CERS3: variants seen among roughly 807,000 people sequenced by gnomAD.
CERS3 encodes LAG1 homolog, ceramide synthase 3.
A neutral mutation model predicts 50.3 loss-of-function variants in CERS3; 33 were observed. The observed-to-expected ratio is 0.66, with a 90% confidence interval of 0.50 to 0.88. CERS3 has a LOEUF of 0.88. Ranked by LOEUF, CERS3 falls within the 40% of genes least tolerant of loss-of-function variation. CERS3 has a pLI of 0.00. For missense variants in CERS3, 470 were observed against 460.3 expected (o/e 1.02, Z -0.19); for synonymous variants, 176 against 155.2 (o/e 1.13, Z -0.99).
chr15:100,427,730 T>C (rs2032903267), intron 11 of CERS3, among the ~76,000 whole-genome samples: 2 of 152,328 alleles, frequency 1.3e-5, no homozygotes, highest in South Asian at 4.1e-4. Flanking sequence ...TTTCAATAGG[T>C]AGAAACTGTC....
chr15:100,505,354 T>C (rs1280098105), intron 2 of CERS3, among the ~76,000 whole-genome samples: 1 of 152,246 alleles, frequency 6.6e-6, no homozygotes, highest in Non-Finnish European at 1.5e-5. Context: ...CAATTCCTTG[T>C]GCATTACATG....
intron 3 of CERS3, among the ~76,000 whole-genome samples, chr15:100,498,921 C>T (rs538246533): frequency 1.8e-4 from 28 of 152,082 alleles, no homozygotes; most frequent in Admixed American, 3.9e-4. Flanking sequence ...CAAAATATTG[C>T]GAGCAAAGTA....
chr15:100,405,721 A>C (rs559476987), intron 11 of CERS3, among the ~76,000 whole-genome samples: 6 of 152,342 alleles, frequency 3.9e-5, no homozygotes, highest in Admixed American at 3.9e-4. Flanking sequence ...GGTTGATGAA[A>C]TGATGCTGTG....
chr15:100,407,435 T>C (rs1256729010), intron 11 of CERS3, among the ~76,000 whole-genome samples: 1 of 152,274 alleles, frequency 6.6e-6, no homozygotes, highest in African/African-American at 2.4e-5. Flanking sequence ...CTGGCAGTCC[T>C]GCAATGTGCT....
upstream of CERS3, among the ~76,000 whole-genome samples, chr15:100,529,422 TCA>T (rs1252754293): frequency 4.6e-5 from 7 of 152,200 alleles, no homozygotes; most frequent in Non-Finnish European, 1.0e-4. Flanking sequence ...GAGAAAACGA[TCA>T]GTTTTTTGAA....
chr15:100,423,456 A>T (rs1488589154), intron 11 of CERS3, among the ~76,000 whole-genome samples: 1 of 152,200 alleles, frequency 6.6e-6, no homozygotes, highest in Non-Finnish European at 1.5e-5. Flanking sequence ...GAACAAAATC[A>T]TGTCCTTTGG....
At chr15:100,460,319 G>A (rs962256106) in intron 10 of CERS3, among the ~76,000 whole-genome samples, 1 of 152,078 alleles carries the variant, frequency 6.6e-6, no homozygotes, top group African/African-American at 2.4e-5. Flanking sequence ...AACCATTACT[G>A]AGCACCTACT....
chr15:100,415,518 C>T (rs1189769193), intron 11 of CERS3, among the ~76,000 whole-genome samples: 2 of 152,126 alleles, frequency 1.3e-5, no homozygotes, highest in Non-Finnish European at 2.9e-5. Flanking sequence ...GCACTCTTCA[C>T]AATAGCAAAG....
chr15:100,473,025 G>A lies in CERS3; in HGVS notation c.637C>T (p.Leu213=), dbSNP rs115551880. The change falls in exon 9 of 12, where the codon CTG becomes TTG. Residue 213 remains leucine (L), a synonymous_variant. Transcript: ENST00000679737. ...KDFLAHIIHH[L]AAISLMSFSW... is the part of the protein sequence containing the mutation. The stretch of plus-strand genomic sequence containing the variant: ...AAGCTCATCAGACTAATAGCAGCCA[G>A]GTGGTGGATGATATGAGCTAGAAAA... 615 of 1,613,698 alleles carry A rather than the reference G, an allele frequency of 3.8e-4. 4 individuals are homozygous for A. In the African/African-American group the frequency reaches 7.2e-3, roughly 19 times the overall value.
intron 11 of CERS3, among the ~76,000 whole-genome samples, chr15:100,455,009 A>T (rs2034313981): frequency 6.6e-6 from 1 of 152,232 alleles, no homozygotes; most frequent in Non-Finnish European, 1.5e-5. Context: ...TCATCAGGGA[A>T]ATGTGCAAGT....
chr15:100,519,175 C>T (rs139237145), intron 2 of CERS3, among the ~76,000 whole-genome samples: 3 of 151,148 alleles, frequency 2.0e-5, no homozygotes, highest in Non-Finnish European at 2.9e-5. Flanking sequence ...AAAAAAAATC[C>T]GCCAAAAAAT....
intron 3 of CERS3, among the ~76,000 whole-genome samples, chr15:100,497,284 CAGAG>C (rs1009155242): frequency 9.4e-4 from 142 of 150,410 alleles, no homozygotes; most frequent in East Asian, 2.9e-3. Flanking sequence ...GAGACACACA[CAGAG>C]AGAGAGAGCA....
At chr15:100,413,547 CTATACTATACTATAT>C (rs968717137) in intron 11 of CERS3, among the ~76,000 whole-genome samples, 9 of 83,738 alleles carry the variant, frequency 1.1e-4, no homozygotes, top group African/African-American at 3.4e-4. Context: ...CTATACTATA[CTATACTATACTATAT>C]GCTCAATCTT....
rs1567691033 is a variant in CERS3 at position 100,535,813 on chromosome 15, CGGG to C, written c.-354-6741_-354-6739del. ...GGACATCCCTATGCTCATATGTGCA[CGGG>C]AAGTGGGGACATCCCTATGCTCATA... On this transcript the variant is annotated intron_variant, in intron 1 of 12. Coordinates refer to the CERS3 transcript ENST00000284382. Among the ~76,000 whole-genome samples the C allele has an allele frequency of 1.1e-3, 105 of 95,610 alleles. 5 individuals are homozygous for C. The highest frequency in any genetic ancestry group is 4.5e-3 in the East Asian group (16 of 3,570). 62.7% of individuals were successfully genotyped at this position (95,610 alleles called of 152,430 possible).
At position 100,491,961 on chromosome 15, in the gene CERS3, A is replaced by G. The variant is rs2035667410; in HGVS notation, c.174-1030T>C. On this transcript the variant is annotated intron_variant, in intron 3 of 11. Transcript: ENST00000679737. Reference sequence around the variant, plus strand: ...GGCTGGTCTCCAACTCCTAGTCTTAAGTGATCCTCCTGTCTCAGCCACCCG... The same window carrying G: ...GGCTGGTCTCCAACTCCTAGTCTTAGGTGATCCTCCTGTCTCAGCCACCCG... Among the ~76,000 whole-genome samples the G allele has an allele frequency of 3.3e-5, 5 of 151,806 alleles. No individual in the cohort carries two copies. The South Asian group carries it at 1.0e-3, about 32-fold the overall frequency.
At chr15:100,524,145 G>A (rs2036719198) in intron 1 of CERS3, among the ~76,000 whole-genome samples, 2 of 151,680 alleles carry the variant, frequency 1.3e-5, no homozygotes, top group South Asian at 4.1e-4. Flanking sequence ...ACTACCAGTA[G>A]GTCACAAAAT....
chr15:100,522,196 C>A (rs1439857160), intron 1 of CERS3, among the ~76,000 whole-genome samples: 1 of 152,158 alleles, frequency 6.6e-6, no homozygotes, highest in Non-Finnish European at 1.5e-5. Context: ...CTAGCACAGC[C>A]TGGTGTAACA....
At chr15:100,410,346 C>G (rs2142056168) in intron 11 of CERS3, among the ~76,000 whole-genome samples, 1 of 152,320 alleles carries the variant, frequency 6.6e-6, no homozygotes, top group East Asian at 1.9e-4. Flanking sequence ...GGCACTCCAG[C>G]AGGCACAGGA....
At chr15:100,455,074 G>A (rs2142194912) in intron 11 of CERS3, among the ~76,000 whole-genome samples, 1 of 152,114 alleles carries the variant, frequency 6.6e-6, no homozygotes, top group East Asian at 1.9e-4. Context: ...TTATTAAAAA[G>A]GCAAAAAGTG....
Sources: gnomAD v4.1 joint callset for allele counts (sites outside exome capture counted in the v4.1 genomes callset) on GRCh38, gnomAD v4.1.1 for gene constraint, MANE v1.5 for transcripts, NCBI Gene and HGNC (gene_info 2026-07-23, HGNC 2026-07-21) for gene names.